TMEM71: variants seen among roughly 807,000 people sequenced by gnomAD.
TMEM71 encodes transmembrane protein 71.
In TMEM71, 44 loss-of-function variants were observed where a neutral mutation model predicts 38.0. The observed-to-expected ratio is 1.16, with a 90% CI of 0.91 to 1.49. The LOEUF (loss-of-function observed/expected upper bound fraction) is 1.49. TMEM71 is among the 40% of genes most tolerant of loss of function. The pLI is 0.00. For missense variants in TMEM71, 367 were observed against 348.6 expected (o/e 1.05, Z -0.42); for synonymous variants, 133 against 122.5 (o/e 1.09, Z -0.56).
chr8:132,718,912 C>T (rs185503425), intron 7 of TMEM71, among the ~76,000 whole-genome samples: 42 of 151,830 alleles, frequency 2.8e-4, no homozygotes, highest in Non-Finnish European at 4.9e-4. Flanking sequence ...AAAGAGATTA[C>T]GAATAAATAC....
Position 132,751,730 on chromosome 8 carries a change from A to G in TMEM71, c.314+55T>C, listed in dbSNP as rs1207118392. ...GTTGAGTGAATAAATGAATGAATAA[A>G]CAATTAATGGATGGATTGGACTTCA... On this transcript the variant is annotated intron_variant, in intron 4 of 9. Transcript: ENST00000677595. 2.7e-6 allele frequency: 4 copies of G among 1,499,242 alleles called. No homozygotes were observed. The Admixed American group carries it at 5.0e-5, about 19-fold the overall frequency. The allele number at this position is 1,499,242 out of a possible 1,614,324, so 92.9% of individuals were successfully genotyped here.
At chr8:132,735,111 C>A (rs1304187864) in intron 5 of TMEM71, among the ~76,000 whole-genome samples, 9 of 152,182 alleles carry the variant, frequency 5.9e-5, no homozygotes, top group Non-Finnish European at 1.2e-4. Context: ...GTCCTCCCTG[C>A]GTGAATCCTC....
At chr8:132,775,748 GCCTC>G in the TMEM71 span, 14 of 261,864 alleles carry the variant, frequency 5.3e-5, no homozygotes, top group Admixed American at 8.1e-4. Context: ...CTCCCCTCCC[GCCTC>G]CCTCCCCGTA....
intron 7 of TMEM71, among the ~76,000 whole-genome samples, chr8:132,721,517 C>T (rs1300571119): frequency 6.7e-6 from 1 of 149,992 alleles, no homozygotes; most frequent in Non-Finnish European, 1.5e-5. Flanking sequence ...GTTTTGTATG[C>T]TTTCTAGGTG....
chr8:132,738,406 A>G (rs1267260776), intron 5 of TMEM71, among the ~76,000 whole-genome samples: 1 of 152,170 alleles, frequency 6.6e-6, no homozygotes, highest in African/African-American at 2.4e-5. Context: ...TATTCTATCT[A>G]TCACTAACCT....
At chr8:132,759,517 T>A (rs1349779362) in intron 1 of TMEM71, 1 of 152,230 alleles carries the variant, frequency 6.6e-6, no homozygotes, top group East Asian at 1.9e-4. Context: ...TTAGTTCCCA[T>A]GAAGACATGA....
the TMEM71 span, among the ~76,000 whole-genome samples, chr8:132,768,962 G>T: frequency 2.0e-5 from 3 of 152,246 alleles, no homozygotes; most frequent in Non-Finnish European, 2.9e-5. Flanking sequence ...ATGTATTGAA[G>T]TTATCTGTTT....
the TMEM71 span, among the ~76,000 whole-genome samples, chr8:132,768,361 T>C: frequency 2.0e-5 from 3 of 152,192 alleles, no homozygotes; most frequent in African/African-American, 4.8e-5. Flanking sequence ...AAATGTTGTG[T>C]TCAGCAGGGC....
chr8:132,755,432 TG>T (rs951144203), intron 3 of TMEM71, among the ~76,000 whole-genome samples: 2 of 152,160 alleles, frequency 1.3e-5, no homozygotes, highest in Non-Finnish European at 2.9e-5. Context: ...CCTTTCCAAT[TG>T]GTTTCTAAAG....
chr8:132,715,100 A>T (rs945165036), intron 7 of TMEM71, among the ~76,000 whole-genome samples: 1 of 152,170 alleles, frequency 6.6e-6, no homozygotes, highest in Non-Finnish European at 1.5e-5. Context: ...ACTCTCATTC[A>T]TTGCAGTTAA....
At chr8:132,758,329 A>G (rs570098821) in intron 2 of TMEM71, 1 of 155,352 alleles carries the variant, frequency 6.4e-6, no homozygotes, top group East Asian at 1.9e-4. Context: ...TCCATTATGG[A>G]CAATTAGTAT....
At chr8:132,722,182 A>C (rs1826891624) in intron 6 of TMEM71, 67 bp from the exon 7 acceptor site, 2 of 1,348,700 alleles carry the variant, frequency 1.5e-6, no homozygotes, top group Non-Finnish European at 2.1e-6. Context: ...GGAAGAAAAA[A>C]TCATCTCAAA....
chr8:132,722,129 C>CA lies in TMEM71; in HGVS notation c.677-15dup. On this transcript the variant is annotated splice_polypyrimidine_tract_variant and intron_variant, in intron 6 of 9. Transcript: ENST00000677595. The stretch of plus-strand genomic sequence containing the variant: ...ACAACCTGGTTTCTAATAGGAAGAA[C>CA]AAAAACAAATAAATTAGAAATCATT... The CA allele has an allele frequency of 6.4e-7, 1 of 1,571,038 alleles. No individual in the cohort carries two copies. Among genetic ancestry groups the CA allele is most frequent in the Non-Finnish European group, 8.7e-7 (1 of 1,153,968 alleles).
intron 5 of TMEM71, among the ~76,000 whole-genome samples, chr8:132,743,058 A>G (rs565624636): frequency 9.2e-4 from 140 of 152,244 alleles, no homozygotes; most frequent in Admixed American, 2.8e-3. Context: ...CCATGATTCA[A>G]TTACCTCCCA....
In TMEM71 at chr8:132,718,245, A is replaced by ACAATGAATAGCATTTTTTAAAATG. The variant is rs541158795; in HGVS notation, c.752+3771_752+3794dup. On this transcript the variant is annotated intron_variant, in intron 7 of 9. Coordinates refer to ENST00000677595, the MANE Select transcript of TMEM71 (RefSeq NM_001382403.1). ...TAATTTTTAAAATCTGTTTAAAAAT[A>ACAATGAATAGCATTTTTTAAAATG]CAATGAATAGCATTTTTTAAAATGC... 9.3e-3 allele frequency among the ~76,000 whole-genome samples: 1,414 copies of ACAATGAATAGCATTTTTTAAAATG among 152,272 alleles called. 22 individuals carry two copies. The highest frequency in any genetic ancestry group is 0.032 in the African/African-American group (1,326 of 41,500).
At chr8:132,758,655 A>G (rs1174902138) in intron 2 of TMEM71, 185 bp downstream of exon 2, 2 of 556,760 alleles carry the variant, frequency 3.6e-6, no homozygotes, top group South Asian at 2.4e-5. Context: ...GAAAAATACC[A>G]CATTTCTTTC....
chr8:132,723,868 C>T (rs1195551762), intron 6 of TMEM71, among the ~76,000 whole-genome samples: 2 of 152,128 alleles, frequency 1.3e-5, no homozygotes, highest in African/African-American at 4.8e-5. Context: ...TAGGTTCTCC[C>T]TATTTTCCCT....
upstream of TMEM71, among the ~76,000 whole-genome samples, chr8:132,763,807 G>A (rs35393685): frequency 7.7e-3 from 1,168 of 152,288 alleles, 16 homozygotes; most frequent in South Asian, 0.042. Flanking sequence ...TTTCATATCA[G>A]CTCCCACGTA....
intron 9 of TMEM71, among the ~76,000 whole-genome samples, 153 bp from the exon 10 acceptor site, chr8:132,711,135 C>T (rs1051140461): frequency 2.0e-5 from 3 of 152,168 alleles, no homozygotes; most frequent in Admixed American, 6.5e-5. Flanking sequence ...AGGAAGAGTG[C>T]AGCCTCAACT....
Sources: allele counts gnomAD v4.1 joint callset (sites outside exome capture counted in the v4.1 genomes callset), GRCh38; gene constraint gnomAD v4.1.1; transcripts MANE v1.5; gene names NCBI Gene and HGNC (gene_info 2026-07-23, HGNC 2026-07-21).